The following HMGB1 variants were observed in gnomAD, a reference collection of about 807,000 sequenced individuals.
The protein encoded by HMGB1 is high mobility group protein B1.
For synonymous variants in HMGB1, 81 were observed against 84.0 expected, an observed-to-expected ratio of 0.96 and a Z score of 0.19; for missense variants, 79 against 253.5, an observed-to-expected ratio of 0.31 and a Z score of 4.67.
Position 30,459,290 on chromosome 13 carries a change from A to G in HMGB1, c.*2067T>C, listed in dbSNP as rs1423438162. On this transcript the variant is annotated 3_prime_UTR_variant, in exon 5 of 5. Transcript: ENST00000341423. ...TTCAGATTGAAGAGGGGTTTTGTCC[A>G]TTTTCTTAAGATCTGTGGTCAAGAA... 6.6e-6 allele frequency: 1 copy of G among 152,134 alleles called. No homozygotes were observed. Among genetic ancestry groups the G allele is most frequent in the African/African-American group, 2.4e-5 (1 of 41,444 alleles). 9.4% of individuals were successfully genotyped at this position (152,134 alleles called of 1,614,324 possible). A position where few individuals can be genotyped will look rare whatever the true frequency, so the allele number is the denominator to read the frequency against.
At chr13:30,588,259 A>G (rs1871236041) in intron 1 of HMGB1, among the ~76,000 whole-genome samples, 2 of 152,226 alleles carry the variant, frequency 1.3e-5, no homozygotes, top group Non-Finnish European at 2.9e-5. Context: ...TACGCACTAA[A>G]GCAAAGATAA....
chr13:30,592,185 A>T lies in HMGB1; in HGVS notation c.-15+24486T>A, dbSNP rs549697671. Among the ~76,000 whole-genome samples the T allele has an allele frequency of 4.8e-3, 664 of 138,124 alleles. 4 individuals are homozygous for T. The highest frequency in any genetic ancestry group is 0.018 in the African/African-American group (568 of 30,816). 90.6% of individuals were successfully genotyped at this position (138,124 alleles called of 152,430 possible). ...CTAGCCACAAAATTAAAAAAAAAAC[A>T]TTTTCCCCTATATTACATTCATGGA... is the stretch of plus-strand genomic sequence containing the variant. On this transcript the variant is annotated intron_variant, in intron 1 of 4. Transcript: ENST00000405805.
chr13:30,502,648 A>ATTTATTTTATTTTATTTTATTTTAT (rs56283529), intron 1 of HMGB1, among the ~76,000 whole-genome samples: 10 of 146,248 alleles, frequency 6.8e-5, no homozygotes, highest in African/African-American at 1.8e-4. Flanking sequence ...ACTTTATTTT[A>ATTTATTTTATTTTATTTTATTTTAT]TTTATTTTAT....
At chr13:30,464,700 T>C (rs1488083881) in intron 1 of HMGB1, 5 of 801,608 alleles carry the variant, frequency 6.2e-6, no homozygotes. Context: ...CTGCGCGTCT[T>C]CTCCGCCTGC....
rs1347802359 is a variant in HMGB1 at position 30,538,684 on chromosome 13, C to CCTTT, written c.-14-74994_-14-74991dup. Among the ~76,000 whole-genome samples the CCTTT allele has an allele frequency of 2.9e-3, 28 of 9,824 alleles. 1 individual carries two copies. The highest frequency in any genetic ancestry group is 5.8e-3 in the East Asian group (2 of 346). The allele number at this position is 9,824 out of a possible 152,430, so 6.4% of individuals were successfully genotyped here. ...CTTTCCTTTCTTTCTTTCTTTCTTTCCTTTCTTTCTTTCTTTCTTTTTCTT... is the reference window on the plus strand; with the variant it reads ...CTTTCCTTTCTTTCTTTCTTTCTTTCCTTTCTTTCTTTCTTTCTTTCTTTTTCTT... On this transcript the variant is annotated intron_variant, in intron 1 of 4. Coordinates refer to the HMGB1 transcript ENST00000405805.
intron 1 of HMGB1, among the ~76,000 whole-genome samples, chr13:30,615,768 C>T (rs1950554566): frequency 6.6e-6 from 1 of 152,078 alleles, no homozygotes; most frequent in South Asian, 2.1e-4. Context: ...GTAGAAGGTG[C>T]ACGAGCTGAC....
chr13:30,510,821 T>C (rs1887975942), intron 1 of HMGB1, among the ~76,000 whole-genome samples: 1 of 152,224 alleles, frequency 6.6e-6, no homozygotes, highest in South Asian at 2.1e-4. Context: ...AAACGCTTAC[T>C]AATTGAGAGA....
chr13:30,519,165 G>A (rs1888168255), intron 1 of HMGB1, among the ~76,000 whole-genome samples: 1 of 152,060 alleles, frequency 6.6e-6, no homozygotes, highest in Non-Finnish European at 1.5e-5. Context: ...GGCCGAGGCG[G>A]GTGGATCATT....
rs541079634 is a variant in HMGB1, at chr13:30,599,251, C to T, written c.-15+17420G>A. Among the ~76,000 whole-genome samples, 7 of 152,258 alleles carry T rather than the reference C, an allele frequency of 4.6e-5. No homozygotes were observed. In the South Asian group the frequency reaches 1.5e-3, roughly 32 times the overall value. On this transcript the variant is annotated intron_variant, in intron 1 of 4. Coordinates refer to the HMGB1 transcript ENST00000405805. ...TATGAGGCCAAGGTGGGCGGATCACCTGAGGTCAGGAGTTTGAGACCAGTC... is the reference window on the plus strand; with the variant it reads ...TATGAGGCCAAGGTGGGCGGATCACTTGAGGTCAGGAGTTTGAGACCAGTC...
intron 1 of HMGB1, among the ~76,000 whole-genome samples, chr13:30,486,821 G>T (rs920177479): frequency 2.0e-5 from 3 of 152,142 alleles, no homozygotes; most frequent in Admixed American, 6.5e-5. Context: ...CTCGGTTGGG[G>T]TGACATTTAC....
At chr13:30,525,082 A>C (rs988007231) in intron 1 of HMGB1, among the ~76,000 whole-genome samples, 1 of 152,222 alleles carries the variant, frequency 6.6e-6, no homozygotes, top group African/African-American at 2.4e-5. Flanking sequence ...TAACTATTAA[A>C]ATAATAGAAG....
At chr13:30,615,756 T>C (rs1242318878) in intron 1 of HMGB1, among the ~76,000 whole-genome samples, 1 of 152,180 alleles carries the variant, frequency 6.6e-6, no homozygotes, top group East Asian at 1.9e-4. Flanking sequence ...GAATCTAACT[T>C]AGTAGAAGGT....
chr13:30,533,153 G>A (rs1435512263), intron 1 of HMGB1, among the ~76,000 whole-genome samples: 3 of 152,196 alleles, frequency 2.0e-5, no homozygotes, highest in Non-Finnish European at 2.9e-5. Context: ...GAAGGATTCA[G>A]CAGCAGTGGG....
chr13:30,482,647 G>T (rs553008090), intron 1 of HMGB1, among the ~76,000 whole-genome samples: 65 of 152,116 alleles, frequency 4.3e-4, no homozygotes, highest in African/African-American at 1.4e-3. Flanking sequence ...TCTCTTTCCC[G>T]TTCTGGCCTT....
Position 30,562,060 on chromosome 13 carries a change from G to A in HMGB1, c.-15+54611C>T, listed in dbSNP as rs369604873. On this transcript the variant is annotated intron_variant, in intron 1 of 4. Transcript: ENST00000405805. ...TACTTGGCCGGGCGCAGTGGCTCAC[G>A]CCTGTAATCTAAGCACTTTGGGAGG... Among the ~76,000 whole-genome samples the A allele has an allele frequency of 2.1e-3, 314 of 152,218 alleles. 3 individuals carry two copies. In the South Asian group the frequency reaches 0.024, roughly 11 times the overall value.
chr13:30,524,432 A>G (rs1888317739), intron 1 of HMGB1, among the ~76,000 whole-genome samples: 1 of 151,964 alleles, frequency 6.6e-6, no homozygotes, highest in Admixed American at 6.6e-5. Flanking sequence ...GGCTAGGAAG[A>G]CTTCAGGAAA....
At chr13:30,465,362 C>T (rs1277283214) in intron 1 of HMGB1, 2 of 138,064 alleles carry the variant, frequency 1.4e-5, no homozygotes, top group African/African-American at 5.2e-5. Flanking sequence ...CAATGCAGCC[C>T]GGGGAAGCGC....
intron 1 of HMGB1, among the ~76,000 whole-genome samples, chr13:30,581,974 AATCACTGT>A (rs1475721424): frequency 2.4e-4 from 36 of 152,196 alleles, no homozygotes; most frequent in African/African-American, 8.4e-4. Flanking sequence ...TATCTGATAG[AATCACTGT>A]ATCATGGTAG....
chr13:30,593,203 C>A (rs575717041), intron 1 of HMGB1, among the ~76,000 whole-genome samples: 1 of 152,130 alleles, frequency 6.6e-6, no homozygotes. Context: ...TTTAGGTATT[C>A]CCCCTCCAGT....
Sources: gnomAD v4.1 joint callset for allele counts (sites outside exome capture counted in the v4.1 genomes callset) on GRCh38, gnomAD v4.1.1 for gene constraint, MANE v1.5 for transcripts, NCBI Gene and HGNC (gene_info 2026-07-23, HGNC 2026-07-21) for gene names.